Variants in CLK1 observed in about 807,000 individuals in gnomAD.
CLK1 encodes the protein dual specificity protein kinase CLK1.
A neutral mutation model predicts 60.9 loss-of-function variants in CLK1; 40 were observed. That is an observed-to-expected ratio of 0.66 (90% CI 0.51 to 0.86). CLK1 has a LOEUF of 0.86. CLK1 is among the 40% of genes least tolerant of loss of function. The probability of loss-of-function intolerance (pLI) is 0.00; values close to 1 mark genes in which losing one functional copy is unlikely to be tolerated. For missense variants in CLK1, 563 were observed against 606.1 expected (o/e 0.93, Z 0.75); for synonymous variants, 203 against 184.4 (o/e 1.10, Z -0.82).
At chr2:200,864,161 C>G in intron 1 of CLK1, 2 of 1,551,264 alleles carry the variant, frequency 1.3e-6, no homozygotes, top group South Asian at 1.2e-5. Flanking sequence ...CCAGCAAATC[C>G]CCCCTCAACG....
At chr2:200,858,783 C>T (rs1288418191) in intron 5 of CLK1, among the ~76,000 whole-genome samples, 1 of 151,072 alleles carries the variant, frequency 6.6e-6, no homozygotes, top group Admixed American at 6.6e-5. Context: ...AAATGCTTTG[C>T]CATTCAGGAA....
chr2:200,858,221 A>G (rs758057725), intron 5 of CLK1, 132 bp from the exon 6 acceptor site: 11 of 694,778 alleles, frequency 1.6e-5, no homozygotes, highest in Non-Finnish European at 2.8e-5. Context: ...TTCAGTTCTG[A>G]TTCTATTACA....
rs765713407 is a variant in CLK1 at position 200,861,352 on chromosome 2, G to A, written c.276C>T (p.Asp92=). The A allele has an allele frequency of 1.4e-5, 22 of 1,613,962 alleles. No homozygotes were observed. In the South Asian group the frequency reaches 2.1e-4, roughly 15 times the overall value. The change falls in exon 3 of 13, where the codon GAC becomes GAT. Residue 92 remains aspartate (D), a synonymous_variant. Transcript: ENST00000321356. ...QGCEPGHRQR[D]HESRYQNHSS... Reference sequence around the variant, plus strand: ...TATGGTTCTGATACCGGCTTTCATGGTCTCTTTGGCGATGTCCAGGTTCAC... The same window carrying A: ...TATGGTTCTGATACCGGCTTTCATGATCTCTTTGGCGATGTCCAGGTTCAC...
Position 200,853,238 on chromosome 2 carries a change from C to A in CLK1, c.*68G>T. 1 of 1,224,202 alleles carries A rather than the reference C, an allele frequency of 8.2e-7. No individual in the cohort carries two copies. Among genetic ancestry groups the A allele is most frequent in the African/African-American group, 1.5e-5 (1 of 64,768 alleles). The allele number at this position is 1,224,202 out of a possible 1,614,324, so 75.8% of individuals were successfully genotyped here. ...GAATTTACAAAGCTGTACAAAATAA[C>A]TTAAAATTTAAAAATTAGACTGATA... On this transcript the variant is annotated 3_prime_UTR_variant, in exon 13 of 13. Transcript: ENST00000321356.
intron 11 of CLK1, chr2:200,854,221 A>AACC: frequency 5.0e-6 from 2 of 398,306 alleles, no homozygotes; most frequent in South Asian, 7.7e-5. Context: ...GAGACTTGGT[A>AACC]GAGTGAAAAT....
intron 12 of CLK1, 82 bp downstream of exon 12, chr2:200,853,821 G>C (rs2038992100): frequency 9.1e-7 from 1 of 1,098,904 alleles, no homozygotes; most frequent in Non-Finnish European, 1.3e-6. Context: ...CTCCAGCCTG[G>C]ACAACGAAGC....
chr2:200,861,127 A>G, intron 3 of CLK1, 111 bp downstream of exon 3: 1 of 1,509,476 alleles, frequency 6.6e-7, no homozygotes, highest in Non-Finnish European at 8.8e-7. Context: ...GCAGGTTAAA[A>G]CTGAGATGAT....
intron 1 of CLK1, chr2:200,864,216 C>T (rs1559329853): frequency 9.0e-6 from 14 of 1,548,284 alleles, no homozygotes; most frequent in African/African-American, 1.4e-5. Flanking sequence ...CGGCCTCCGC[C>T]CAGCCGCCAT....
At chr2:200,864,117 C>T (rs1283569971) in intron 1 of CLK1, 1 of 1,550,814 alleles carries the variant, frequency 6.4e-7, no homozygotes, top group African/African-American at 1.4e-5. Context: ...CAACGTTTCC[C>T]CACAGCTGCT....
At position 200,856,779 on chromosome 2, in the gene CLK1, A is replaced by G. The variant is rs1243633533; in HGVS notation, c.960T>C (p.Asp320=). 3.7e-6 allele frequency: 6 copies of G among 1,613,600 alleles called. No homozygotes were observed. The Admixed American group carries it at 5.0e-5, about 13-fold the overall frequency. ...CACTACCAAAGTCTACAACTTTAAT[A>G]TCTGGATTTATTAAGGTGCGTTCAT... is the stretch of plus-strand genomic sequence containing the variant. ...KRDERTLINP[D]IKVVDFGSAT... Residue 320 remains aspartate (D), a synonymous_variant, in exon 9 of 13, where the codon GAT becomes GAC. Coordinates refer to ENST00000321356, the MANE Select transcript of CLK1 (RefSeq NM_004071.4).
intron 7 of CLK1, 103 bp downstream of exon 7, chr2:200,857,615 C>T (rs2039064853): frequency 2.1e-6 from 2 of 974,620 alleles, no homozygotes; most frequent in Non-Finnish European, 3.0e-6. Context: ...CTTCCTCCCC[C>T]TTTATTTTTA....
chr2:200,854,346 T>C (rs906412533), intron 11 of CLK1, among the ~76,000 whole-genome samples: 3 of 151,976 alleles, frequency 2.0e-5, no homozygotes, highest in Admixed American at 6.6e-5. Context: ...CCATCCTGGC[T>C]AACATGGTGA....
In CLK1 at chr2:200,854,612, G is replaced by A. The variant is rs778546661; in HGVS notation, c.1220+4C>T. The stretch of plus-strand genomic sequence containing the variant: ...TAAGGATGTCACTAACTCTTAAAAC[G>A]TACCTGGTTTTCTGTATCATATGTT... On this transcript the variant is annotated splice_donor_region_variant and intron_variant, in intron 11 of 12. Coordinates refer to ENST00000321356, the MANE Select transcript of CLK1 (RefSeq NM_004071.4). 17 of 1,559,386 alleles carry A rather than the reference G, an allele frequency of 1.1e-5. No individual in the cohort carries two copies. The highest frequency in any genetic ancestry group is 4.5e-5 in the South Asian group (4 of 89,766).
intron 7 of CLK1, 128 bp downstream of exon 7, chr2:200,857,590 C>T: frequency 2.8e-6 from 2 of 723,706 alleles, no homozygotes; most frequent in South Asian, 4.6e-5. Flanking sequence ...GTAATCAAAT[C>T]TCTTCATACC....
chr2:200,860,740 T>A, intron 3 of CLK1: 1 of 1,002,394 alleles, frequency 1.0e-6, no homozygotes, highest in Non-Finnish European at 1.2e-6. Context: ...TTTAATGTCA[T>A]CTGAGCTGAT....
In CLK1 at chr2:200,861,008, A is replaced by G. The variant is rs190258241; in HGVS notation, c.390+230T>C. ...TAAATTAAATCAATTAACTCCCATCATTTCACTGGAATGTCAATTAGGAGC... is the reference window on the plus strand; with the variant it reads ...TAAATTAAATCAATTAACTCCCATCGTTTCACTGGAATGTCAATTAGGAGC... On this transcript the variant is annotated intron_variant, in intron 3 of 12. Coordinates refer to ENST00000321356, the MANE Select transcript of CLK1 (RefSeq NM_004071.4). 3.8e-5 allele frequency: 51 copies of G among 1,328,772 alleles called. No individual in the cohort carries two copies. In the African/African-American group the frequency reaches 6.8e-4, roughly 18 times the overall value. The allele number at this position is 1,328,772 out of a possible 1,614,324, so 82.3% of individuals were successfully genotyped here.
chr2:200,863,703 C>T (rs1249626394), intron 1 of CLK1, among the ~76,000 whole-genome samples: 1 of 152,072 alleles, frequency 6.6e-6, no homozygotes, highest in Non-Finnish European at 1.5e-5. Context: ...AAAATACAAA[C>T]ATTAGCCCGG....
intron 5 of CLK1, among the ~76,000 whole-genome samples, chr2:200,858,803 C>CAGT (rs2039085721): frequency 7.3e-6 from 1 of 136,300 alleles, no homozygotes; most frequent in East Asian, 2.3e-4. Context: ...AGAGGAAGAA[C>CAGT]AATAACAACA....
chr2:200,861,079 G>T, intron 3 of CLK1, 159 bp downstream of exon 3: 1 of 1,423,386 alleles, frequency 7.0e-7, no homozygotes, highest in Admixed American at 3.0e-5. Context: ...TTTATTTCCG[G>T]AATTTCCTAT....
Sources: allele counts gnomAD v4.1 joint callset (sites outside exome capture counted in the v4.1 genomes callset), GRCh38; gene constraint gnomAD v4.1.1; transcripts MANE v1.5; gene names NCBI Gene and HGNC (gene_info 2026-07-23, HGNC 2026-07-21).